Variants in PLEKHA1 observed in about 807,000 individuals in gnomAD.
PLEKHA1 encodes pleckstrin homology domain containing A1, also known as pleckstrin homology domain-containing family A member 1.
Under a neutral mutation model 52.0 loss-of-function variants are expected in PLEKHA1, and 34 were observed. The ratio of observed to expected loss-of-function variants is 0.65; its 90% CI spans 0.50 to 0.87. The LOEUF (loss-of-function observed/expected upper bound fraction) is 0.87, where lower values mean the gene tolerates loss of function less well. Among genes scored for constraint, PLEKHA1 ranks in the 40% least tolerant of loss-of-function variants. PLEKHA1 has a pLI of 0.00. For synonymous variants in PLEKHA1, 163 were observed against 170.7 expected (o/e 0.95, Z 0.35); for missense variants, 497 against 504.2 (o/e 0.99, Z 0.14).
At chr10:122,406,709 T>C in intron 5 of PLEKHA1, 36 bp downstream of exon 5, 3 of 1,421,820 alleles carry the variant, frequency 2.1e-6, no homozygotes, top group Non-Finnish European at 3.0e-6. Context: ...ACGTTCGATG[T>C]CTGGAATTAA....
chr10:122,383,274 T>A (rs1032086869), intron 1 of PLEKHA1, among the ~76,000 whole-genome samples: 6 of 151,810 alleles, frequency 4.0e-5, no homozygotes, highest in Non-Finnish European at 8.8e-5. Context: ...GATAACATTT[T>A]TTTCTTTTCT....
At chr10:122,382,652 C>T (rs2096630676) in intron 1 of PLEKHA1, among the ~76,000 whole-genome samples, 2 of 152,156 alleles carry the variant, frequency 1.3e-5, no homozygotes, top group South Asian at 2.1e-4. Context: ...CTATTACTGT[C>T]ATATCTTCAG....
intron 2 of PLEKHA1, 106 bp from the exon 3 acceptor site, chr10:122,397,812 T>C: frequency 1.2e-6 from 1 of 848,266 alleles, no homozygotes; most frequent in Non-Finnish European, 1.8e-6. Context: ...AAATGTGATA[T>C]TAAAAAATTG....
chr10:122,431,704 TTATTCA>T lies in PLEKHA1; in HGVS notation c.*1769_*1774del, dbSNP rs2097418441. 1 of 152,662 alleles carries T rather than the reference TTATTCA, an allele frequency of 6.6e-6. No homozygotes were observed. The highest frequency in any genetic ancestry group is 2.1e-4 in the South Asian group (1 of 4,836). 9.5% of individuals were successfully genotyped at this position (152,662 alleles called of 1,614,324 possible). A position where few individuals can be genotyped will look rare whatever the true frequency, so the allele number is the denominator to read the frequency against. Reference sequence around the variant, plus strand: ...ATAAAGAATGCACCACTCAACTTTTTTATTCATAAGCTAATATTTTTTTAAAGTTAC... The same window carrying T: ...ATAAAGAATGCACCACTCAACTTTTTTAAGCTAATATTTTTTTAAAGTTAC... On this transcript the variant is annotated 3_prime_UTR_variant, in exon 12 of 12. Coordinates refer to ENST00000368990, the MANE Select transcript of PLEKHA1 (RefSeq NM_001001974.4).
rs1260992446 is a variant in PLEKHA1 at position 122,380,781 on chromosome 10, G to A, written c.-21+5975G>A. Among the ~76,000 whole-genome samples the A allele has an allele frequency of 3.9e-5, 6 of 152,166 alleles. No individual in the cohort carries two copies. In the East Asian group the frequency reaches 5.8e-4, roughly 15 times the overall value. ...AGAATTTCTGATTTAATTGGTCGGC[G>A]GTGGTGGGGGAGGTGGTGTTTTAAC... On this transcript the variant is annotated intron_variant, in intron 1 of 11. Coordinates refer to ENST00000368990, the MANE Select transcript of PLEKHA1 (RefSeq NM_001001974.4).
rs1295630769 is a variant in PLEKHA1 at position 122,400,378 on chromosome 10, G to A, written c.234G>A (p.Glu78=). 1 of 1,607,222 alleles carries A rather than the reference G, an allele frequency of 6.2e-7. No homozygotes were observed. Among genetic ancestry groups the A allele is most frequent in the Non-Finnish European group, 8.5e-7 (1 of 1,177,796 alleles). ...SDATKLRPKA[E]FCFVMNAGMR... is the part of the protein sequence containing the mutation. ...CTACTAAGCTAAGGCCAAAGGCGGAGTTCTGTTTTGGTAAGTAGCCATGTT... is the reference window on the plus strand; with the variant it reads ...CTACTAAGCTAAGGCCAAAGGCGGAATTCTGTTTTGGTAAGTAGCCATGTT... The change falls in exon 4 of 12, where the codon GAG becomes GAA. Residue 78 remains glutamate, a synonymous_variant. Transcript: ENST00000368990.
chr10:122,406,811 T>C (rs1441643696), intron 5 of PLEKHA1, 138 bp downstream of exon 5: 2 of 659,742 alleles, frequency 3.0e-6, no homozygotes, highest in African/African-American at 1.8e-5. Context: ...GTGTTCAGAA[T>C]GTGAATATGT....
intron 1 of PLEKHA1, chr10:122,387,069 T>C (rs1200758731): frequency 6.6e-6 from 1 of 152,220 alleles, no homozygotes; most frequent in Non-Finnish European, 1.5e-5. Context: ...TTTCTCTCTT[T>C]CACTTGGTTC....
chr10:122,406,099 G>C (rs6585827), intron 4 of PLEKHA1, among the ~76,000 whole-genome samples: 2 of 151,874 alleles, frequency 1.3e-5, no homozygotes, highest in African/African-American at 2.4e-5. Context: ...AGGGGTATTC[G>C]ATGAAATAAA....
intron 1 of PLEKHA1, among the ~76,000 whole-genome samples, chr10:122,388,294 C>T (rs1408698143): frequency 2.0e-5 from 3 of 152,116 alleles, no homozygotes; most frequent in Admixed American, 1.3e-4. Context: ...TTTCATTTAG[C>T]ATGTTTCTGA....
At chr10:122,423,610 T>A (rs543237206) in intron 8 of PLEKHA1, 21 of 152,496 alleles carry the variant, frequency 1.4e-4, no homozygotes, top group Admixed American at 1.1e-3. Flanking sequence ...TTGTATCTTA[T>A]ATCTACTTTG....
At chr10:122,389,752 C>G (rs2096750717) in intron 1 of PLEKHA1, among the ~76,000 whole-genome samples, 1 of 152,164 alleles carries the variant, frequency 6.6e-6, no homozygotes, top group African/African-American at 2.4e-5. Flanking sequence ...AACAGGTGTG[C>G]TGTCATCCAG....
chr10:122,404,260 T>C (rs1309779147), intron 4 of PLEKHA1, among the ~76,000 whole-genome samples: 2 of 152,178 alleles, frequency 1.3e-5, no homozygotes, highest in African/African-American at 2.4e-5. Context: ...AGATCATACC[T>C]ATATATCTAC....
At chr10:122,408,332 G>C (rs1206743112) in intron 5 of PLEKHA1, among the ~76,000 whole-genome samples, 1 of 152,138 alleles carries the variant, frequency 6.6e-6, no homozygotes, top group Non-Finnish European at 1.5e-5. Context: ...GTATGAAACA[G>C]TCTTATACAA....
chr10:122,398,069 A>T (rs1352069661), intron 3 of PLEKHA1, 95 bp downstream of exon 3: 2 of 981,464 alleles, frequency 2.0e-6, no homozygotes, highest in Non-Finnish European at 3.2e-6. Context: ...ATGTCCTTTA[A>T]CAGTGATGTT....
At position 122,431,208 on chromosome 10, in the gene PLEKHA1, C is replaced by T. The variant is rs1018798827; in HGVS notation, c.*1270C>T. The T allele has an allele frequency of 6.6e-6, 1 of 152,048 alleles. No individual in the cohort carries two copies. The highest frequency in any genetic ancestry group is 6.6e-5 in the Admixed American group (1 of 15,248). The allele number at this position is 152,048 out of a possible 1,614,324, so 9.4% of individuals were successfully genotyped here. ...TGATCTCAGCTCACTACAGCCTCCA[C>T]CTCGTGGGTTCAAACAGTTGTGCTG... On this transcript the variant is annotated 3_prime_UTR_variant, in exon 12 of 12. Coordinates refer to ENST00000368990, the MANE Select transcript of PLEKHA1 (RefSeq NM_001001974.4).
intron 4 of PLEKHA1, among the ~76,000 whole-genome samples, chr10:122,402,770 A>G (rs1332732839): frequency 6.6e-6 from 1 of 152,212 alleles, no homozygotes; most frequent in Non-Finnish European, 1.5e-5. Flanking sequence ...AAATAGAATC[A>G]GTGAGGCTGT....
intron 5 of PLEKHA1, among the ~76,000 whole-genome samples, chr10:122,407,168 G>A (rs558181261): frequency 6.6e-6 from 1 of 152,204 alleles, no homozygotes; most frequent in East Asian, 1.9e-4. Context: ...GAAGGGTTGC[G>A]GCAGCCAGAG....
chr10:122,377,982 A>G (rs2096561344), intron 1 of PLEKHA1, among the ~76,000 whole-genome samples: 1 of 152,224 alleles, frequency 6.6e-6, no homozygotes, highest in African/African-American at 2.4e-5. Context: ...TGTTTCCTAC[A>G]TGGAACTCTT....
Sources: allele counts gnomAD v4.1 joint callset (sites outside exome capture counted in the v4.1 genomes callset), GRCh38; gene constraint gnomAD v4.1.1; transcripts MANE v1.5; gene names NCBI Gene and HGNC (gene_info 2026-07-23, HGNC 2026-07-21).